MRPL10: variants seen among roughly 807,000 people sequenced by gnomAD.
MRPL10 encodes the protein large ribosomal subunit protein uL10m.
A neutral mutation model predicts 19.8 loss-of-function variants in MRPL10; 14 were observed. The ratio of observed to expected loss-of-function variants is 0.71; its 90% confidence interval spans 0.47 to 1.11. The LOEUF (loss-of-function observed/expected upper bound fraction) is 1.11, where lower values mean the gene tolerates loss of function less well. MRPL10 is among the 50% of genes least tolerant of loss of function. The pLI is 0.00. For synonymous variants in MRPL10, 129 were observed against 139.2 expected (o/e 0.93, Z 0.52); for missense variants, 318 against 339.6 (o/e 0.94, Z 0.50).
chr17:47,827,268 C>T, intron 2 of MRPL10, 64 bp from the exon 3 acceptor site: 1 of 1,488,718 alleles, frequency 6.7e-7, no homozygotes. Context: ...ACGTTGCTCC[C>T]TCTGTGGTAG....
At chr17:47,828,329 C>A (rs2033568054) in intron 2 of MRPL10, 172 bp downstream of exon 2, 3 of 483,276 alleles carry the variant, frequency 6.2e-6, no homozygotes, top group Non-Finnish European at 1.0e-5. Flanking sequence ...GCCCAAAAGC[C>A]AATACAGAAT....
chr17:47,831,108 C>A (rs1394990904), intron 1 of MRPL10, among the ~76,000 whole-genome samples: 3 of 152,188 alleles, frequency 2.0e-5, no homozygotes, highest in Non-Finnish European at 4.4e-5. Context: ...TCTGCCCTTG[C>A]GGAGTTTAAT....
intron 2 of MRPL10, 35 bp from the exon 3 acceptor site, chr17:47,827,239 G>T: frequency 6.4e-7 from 1 of 1,567,204 alleles, no homozygotes; most frequent in Non-Finnish European, 8.7e-7. Context: ...GGGTACATCA[G>T]CTGCCACTTC....
At chr17:47,826,552 G>A (rs1440936216) in intron 4 of MRPL10, 85 bp downstream of exon 4, 3 of 1,536,400 alleles carry the variant, frequency 2.0e-6, no homozygotes, top group South Asian at 2.3e-5. Context: ...CTCCAAGAAC[G>A]TTCACGGTTT....
At chr17:47,828,396 C>T (rs1032922582) in intron 2 of MRPL10, 105 bp downstream of exon 2, 5 of 743,328 alleles carry the variant, frequency 6.7e-6, no homozygotes, top group East Asian at 6.2e-5. Context: ...GAAATAATGA[C>T]GTGCATGACA....
chr17:47,831,504 G>T lies in MRPL10; in HGVS notation c.8C>A (p.Ala3Glu). 1.3e-6 allele frequency: 2 copies of T among 1,549,958 alleles called. No homozygotes were observed. Among genetic ancestry groups the T allele is most frequent in the Non-Finnish European group, 1.7e-6 (2 of 1,146,664 alleles). Reference protein sequence around the residue: MAAAVAGMLRGGL... With the variant: MAEAVAGMLRGGL... ...CCCTCGCAGCATCCCCGCCACGGCC[G>T]CAGCCATCTCCACCGGAAGAATGGA... Residue 3 changes from alanine to glutamate, a missense_variant, in exon 1 of 5, where the codon GCG becomes GAG. Physicochemically the swap from Ala to Glu is moderately radical, Grantham distance 107. Transcript: ENST00000351111.
chr17:47,826,865 G>C, intron 3 of MRPL10, 84 bp from the exon 4 acceptor site: 1 of 1,574,974 alleles, frequency 6.3e-7, no homozygotes, highest in Non-Finnish European at 8.7e-7. Flanking sequence ...ATTAGGCTGA[G>C]GGTGCAACCC....
rs1014317822 is a variant in MRPL10, at chr17:47,823,995, T to G, written c.*210A>C. The G allele has an allele frequency of 3.9e-5, 24 of 622,430 alleles. No individual in the cohort carries two copies. The highest frequency in any genetic ancestry group is 3.5e-4 in the African/African-American group (19 of 53,586). 38.6% of individuals were successfully genotyped at this position (622,430 alleles called of 1,614,324 possible). A position where few individuals can be genotyped will look rare whatever the true frequency, so the allele number is the denominator to read the frequency against. ...GACTTTGCTCCTATCACGTCCCAAG[T>G]TGGGAAAACTAAGGACGAAGCCGGT... On this transcript the variant is annotated 3_prime_UTR_variant, in exon 5 of 5. Coordinates refer to ENST00000351111, the MANE Select transcript of MRPL10 (RefSeq NM_145255.4).
intron 3 of MRPL10, 97 bp downstream of exon 3, chr17:47,826,943 G>A (rs1331419549): frequency 2.1e-6 from 3 of 1,457,982 alleles, no homozygotes; most frequent in Non-Finnish European, 9.4e-7. Context: ...GAGAGGAGGA[G>A]TAAGAAGTAT....
intron 4 of MRPL10, among the ~76,000 whole-genome samples, chr17:47,825,589 C>T (rs532337115): frequency 1.3e-5 from 2 of 152,260 alleles, no homozygotes; most frequent in East Asian, 1.9e-4. Flanking sequence ...CGGACCACTG[C>T]ACTCCAGCCT....
Position 47,828,722 on chromosome 17 carries a change from T to C in MRPL10, c.53-52A>G, listed in dbSNP as rs527415361. 3.6e-5 allele frequency: 52 copies of C among 1,438,058 alleles called. 1 individual carries two copies. The South Asian group carries it at 6.7e-4, about 19-fold the overall frequency. The allele number at this position is 1,438,058 out of a possible 1,614,324, so 89.1% of individuals were successfully genotyped here. Reference sequence around the variant, plus strand: ...AGAGGCAACCTCCTGGAGGCCCTAGTTTATCCCAAATGGAGAAAAAACACA... The same window carrying C: ...AGAGGCAACCTCCTGGAGGCCCTAGCTTATCCCAAATGGAGAAAAAACACA... On this transcript the variant is annotated intron_variant, in intron 1 of 4. Coordinates refer to ENST00000351111, the MANE Select transcript of MRPL10 (RefSeq NM_145255.4).
At chr17:47,831,403 G>A in intron 1 of MRPL10, 57 bp downstream of exon 1, 2 of 1,546,726 alleles carry the variant, frequency 1.3e-6, no homozygotes, top group Non-Finnish European at 1.7e-6. Flanking sequence ...GAGGAGGGCA[G>A]ATGAGGACTA....
At chr17:47,825,488 G>A (rs1191864276) in intron 4 of MRPL10, among the ~76,000 whole-genome samples, 1 of 152,168 alleles carries the variant, frequency 6.6e-6, no homozygotes, top group Non-Finnish European at 1.5e-5. Flanking sequence ...AGCTGGACAT[G>A]GTGGCATGCG....
At chr17:47,830,637 C>T (rs1024257181) in intron 1 of MRPL10, among the ~76,000 whole-genome samples, 2 of 152,050 alleles carry the variant, frequency 1.3e-5, no homozygotes, top group South Asian at 4.1e-4. Context: ...TCCTGAGTAG[C>T]GGGGACTACA....
At chr17:47,824,768 C>T (rs1441053753) in intron 4 of MRPL10, among the ~76,000 whole-genome samples, 1 of 152,140 alleles carries the variant, frequency 6.6e-6, no homozygotes, top group Non-Finnish European at 1.5e-5. Context: ...AATCCCAGCA[C>T]TTTGGGAGGC....
At chr17:47,825,061 G>C (rs1312677857) in intron 4 of MRPL10, among the ~76,000 whole-genome samples, 1 of 149,942 alleles carries the variant, frequency 6.7e-6, no homozygotes, top group African/African-American at 2.5e-5. Flanking sequence ...GGGTACGGTG[G>C]CTCAAGCCTG....
intron 4 of MRPL10, among the ~76,000 whole-genome samples, chr17:47,825,353 G>A (rs1433273210): frequency 6.6e-6 from 1 of 152,138 alleles, no homozygotes; most frequent in African/African-American, 2.4e-5. Flanking sequence ...ATCAGGCTGG[G>A]TGCAGTGGAA....
chr17:47,829,529 T>C (rs1191111402), intron 1 of MRPL10: 1 of 152,166 alleles, frequency 6.6e-6, no homozygotes, highest in African/African-American at 2.4e-5. Flanking sequence ...CCTGGTCTAA[T>C]CTAGTGGCTC....
At position 47,831,287 on chromosome 17, in the gene MRPL10, T is replaced by A. The variant is rs56409623; in HGVS notation, c.52+173A>T. On this transcript the variant is annotated intron_variant, in intron 1 of 4. Coordinates refer to ENST00000351111, the MANE Select transcript of MRPL10 (RefSeq NM_145255.4). ...AAAGAAACGCTGGAGACAGACAACA[T>A]CTGGACGTTGTTGCTGTGATTACCA... 5.6e-3 allele frequency: 8,421 copies of A among 1,515,718 alleles called. 265 individuals are homozygous for A. In the African/African-American group the frequency reaches 0.083, roughly 15 times the overall value. 93.9% of individuals were successfully genotyped at this position (1,515,718 alleles called of 1,614,324 possible).
Sources: gnomAD v4.1 joint callset for allele counts (sites outside exome capture counted in the v4.1 genomes callset) on GRCh38, gnomAD v4.1.1 for gene constraint, MANE v1.5 for transcripts, NCBI Gene and HGNC (gene_info 2026-07-23, HGNC 2026-07-21) for gene names.